The following PCDH7 variants were observed in gnomAD, a reference collection of about 807,000 sequenced individuals.
The protein encoded by PCDH7 is protocadherin 7, also known as protocadherin-7.
A neutral mutation model predicts 58.9 loss-of-function variants in PCDH7; 17 were observed. That is an observed-to-expected ratio of 0.29 (90% CI 0.20 to 0.43). The LOEUF (loss-of-function observed/expected upper bound fraction) is 0.43, where lower values mean the gene tolerates loss of function less well. PCDH7 is among the 20% of genes least tolerant of loss of function. The pLI is 1.00. For synonymous variants in PCDH7, 664 were observed against 616.4 expected (o/e 1.08, Z -1.14); for missense variants, 1,274 against 1,441.0 (o/e 0.88, Z 1.88).
intron 3 of PCDH7, among the ~76,000 whole-genome samples, chr4:31,012,365 A>C (rs536926154): frequency 7.2e-6 from 1 of 139,442 alleles, no homozygotes; most frequent in African/African-American, 2.5e-5. Context: ...TCTGACTACT[A>C]AATATAGAAG....
rs746627545 is a variant in PCDH7 at position 30,741,270 on chromosome 4, C to T, written c.70+16674C>T. ...CAGTAGATGGTTTTTTTTTTAGAGC[C>T]GAGTGTGTCACTCGGGCTCAGGTGA... On this transcript the variant is annotated intron_variant, in intron 1 of 3. Transcript: ENST00000509759. 2.2e-4 allele frequency among the ~76,000 whole-genome samples: 33 copies of T among 150,760 alleles called. 1 individual carries two copies. Among genetic ancestry groups the T allele is most frequent in the Non-Finnish European group, 4.3e-4 (29 of 67,772 alleles).
At chr4:30,896,974 G>C (rs1226209059) in intron 1 of PCDH7, among the ~76,000 whole-genome samples, 1 of 135,112 alleles carries the variant, frequency 7.4e-6, no homozygotes, top group Non-Finnish European at 1.5e-5. Flanking sequence ...GCAGGATCTC[G>C]GCTCACTGCA....
chr4:30,883,518 C>T (rs556306334), intron 1 of PCDH7, among the ~76,000 whole-genome samples: 1 of 152,272 alleles, frequency 6.6e-6, no homozygotes, highest in Admixed American at 6.5e-5. Context: ...ATTTTTGCTG[C>T]TACAGACATT....
At chr4:30,960,046 G>T (rs1748232695) in intron 3 of PCDH7, among the ~76,000 whole-genome samples, 1 of 149,434 alleles carries the variant, frequency 6.7e-6, no homozygotes, top group African/African-American at 2.5e-5. Flanking sequence ...AATGGTTCAT[G>T]CAGAAATTAT....
chr4:30,910,817 CA>C lies in PCDH7; in HGVS notation c.71-9333del, dbSNP rs561582837. 2.4e-3 allele frequency among the ~76,000 whole-genome samples: 371 copies of C among 152,186 alleles called. 1 individual carries two copies. The highest frequency in any genetic ancestry group is 8.4e-3 in the African/African-American group (348 of 41,516). ...GCAATCTCATGACTGGGTATATACC[CA>C]AAGGATTATAAATCATGCTACTATA... On this transcript the variant is annotated intron_variant, in intron 1 of 3. Coordinates refer to the PCDH7 transcript ENST00000509759.
intron 1 of PCDH7, among the ~76,000 whole-genome samples, chr4:30,769,141 T>G (rs1721091613): frequency 6.6e-6 from 1 of 152,238 alleles, no homozygotes; most frequent in Admixed American, 6.5e-5. Flanking sequence ...AGTTTGGATC[T>G]AGTTAAGTGT....
At chr4:31,142,762 C>G (rs372362529) in exon 4 of PCDH7, 38 of 1,367,282 alleles carry the variant, frequency 2.8e-5, no homozygotes, top group Non-Finnish European at 3.4e-5. Context: ...ATGAGGAAGC[C>G]AACCCTGAGG....
rs73815170 is a variant in PCDH7 at position 31,047,713 on chromosome 4, C to G, written c.*8-94760C>G. Among the ~76,000 whole-genome samples the G allele has an allele frequency of 2.9e-3, 446 of 152,114 alleles. 2 individuals are homozygous for G. The highest frequency in any genetic ancestry group is 0.01 in the African/African-American group (428 of 41,530). Reference sequence around the variant, plus strand: ...ATTGATGTTGCTTTGTCAAGTTTGTCATATTTAATTAGCTCGCTCTCATAA... The same window carrying G: ...ATTGATGTTGCTTTGTCAAGTTTGTGATATTTAATTAGCTCGCTCTCATAA... On this transcript the variant is annotated intron_variant, in intron 3 of 3. Transcript: ENST00000509759.
chr4:30,940,456 T>G (rs1195369317), intron 2 of PCDH7, among the ~76,000 whole-genome samples: 2 of 152,100 alleles, frequency 1.3e-5, no homozygotes, highest in African/African-American at 4.8e-5. Flanking sequence ...TATATAATTA[T>G]ATTTTTGCAA....
At chr4:31,000,540 A>T (rs560796293) in intron 3 of PCDH7, among the ~76,000 whole-genome samples, 1 of 152,224 alleles carries the variant, frequency 6.6e-6, no homozygotes, top group East Asian at 1.9e-4. Flanking sequence ...TTATGTAAGA[A>T]TTAGGAAATT....
At chr4:30,996,487 A>C (rs1751910722) in intron 3 of PCDH7, among the ~76,000 whole-genome samples, 1 of 152,208 alleles carries the variant, frequency 6.6e-6, no homozygotes, top group African/African-American at 2.4e-5. Context: ...CAAACAAAGG[A>C]AAGAGGAAAA....
chr4:31,078,990 G>C (rs1759243987), intron 3 of PCDH7, among the ~76,000 whole-genome samples: 1 of 151,734 alleles, frequency 6.6e-6, no homozygotes, highest in Non-Finnish European at 1.5e-5. Context: ...GTCGATAAAT[G>C]AATCTGTGAT....
chr4:30,793,540 A>G (rs1303570042), intron 1 of PCDH7, among the ~76,000 whole-genome samples: 1 of 152,112 alleles, frequency 6.6e-6, no homozygotes, highest in African/African-American at 2.4e-5. Flanking sequence ...ACAATTAAAA[A>G]AAGAAAAAGA....
chr4:31,098,235 C>CGG (rs1345265233), intron 3 of PCDH7, among the ~76,000 whole-genome samples: 1 of 152,150 alleles, frequency 6.6e-6, no homozygotes, highest in Non-Finnish European at 1.5e-5. Flanking sequence ...TTATCATCTT[C>CGG]GGGGGTATTT....
At chr4:31,069,798 TA>T (rs1048859639) in intron 3 of PCDH7, among the ~76,000 whole-genome samples, 111 of 152,064 alleles carry the variant, frequency 7.3e-4, no homozygotes, top group African/African-American at 2.6e-3. Flanking sequence ...TATTAATCCA[TA>T]AGATAGTATG....
At chr4:30,867,222 T>A (rs979946651) in intron 1 of PCDH7, among the ~76,000 whole-genome samples, 2 of 152,088 alleles carry the variant, frequency 1.3e-5, no homozygotes, top group African/African-American at 4.8e-5. Flanking sequence ...TAGTTCTGAT[T>A]TGATTTGTTT....
At chr4:30,720,407 T>A (rs753939306), upstream of PCDH7, 1 of 152,694 alleles carries the variant, frequency 6.5e-6, no homozygotes, top group East Asian at 1.9e-4. This position sits in a 1 kb window ranked among gnomAD's most constrained non-coding sequence, Gnocchi z 4.7. Context: ...TGCTCCGACA[T>A]GCGGGCCGAA....
At chr4:30,815,911 C>T (rs142681611) in intron 1 of PCDH7, among the ~76,000 whole-genome samples, 2 of 152,282 alleles carry the variant, frequency 1.3e-5, no homozygotes. Flanking sequence ...CCTGTCCTGC[C>T]CTGCTAATGT....
intron 1 of PCDH7, among the ~76,000 whole-genome samples, chr4:30,862,181 C>T (rs1433083245): frequency 3.9e-5 from 6 of 152,104 alleles, no homozygotes; most frequent in African/African-American, 4.8e-5. Context: ...GGAATATAAA[C>T]GATAATAAGG....
Sources: gnomAD v4.1 joint callset for allele counts (sites outside exome capture counted in the v4.1 genomes callset) on GRCh38, gnomAD v4.1.1 for gene constraint, Gnocchi (gnomAD v3.1) non-coding constraint, MANE v1.5 for transcripts, NCBI Gene and HGNC (gene_info 2026-07-23, HGNC 2026-07-21) for gene names.